The following SGCG variants were observed in gnomAD, a reference collection of about 807,000 sequenced individuals.
The protein encoded by SGCG is gamma-sarcoglycan.
SGCG carries 26 observed loss-of-function variants against 29.3 expected under a neutral mutation model. The observed-to-expected ratio is 0.89, with a 90% CI of 0.65 to 1.23. The LOEUF is 1.23. SGCG is among the 50% of genes most tolerant of loss of function. SGCG has a pLI of 0.00. For missense variants in SGCG, 353 were observed against 356.0 expected, an observed-to-expected ratio of 0.99 and a Z score of 0.07; for synonymous variants, 145 against 129.7, an observed-to-expected ratio of 1.12 and a Z score of -0.80.
intron 6 of SGCG, among the ~76,000 whole-genome samples, chr13:23,298,122 G>A (rs12868752): frequency 0.37 from 56,017 of 151,314 alleles, 10,933 homozygotes; most frequent in East Asian, 0.79. Flanking sequence ...TTGGGAGGCC[G>A]AGGCAGGTGG....
At chr13:23,320,220 G>A (rs952780307) in intron 6 of SGCG, among the ~76,000 whole-genome samples, 3 of 152,188 alleles carry the variant, frequency 2.0e-5, no homozygotes, top group East Asian at 3.9e-4. Context: ...CCGGGAGTTC[G>A]ATTTTGCAGT....
rs759278850 is a variant in SGCG at position 23,279,396 on chromosome 13, G to A, written c.423G>A (p.Gln141=). 1.2e-6 allele frequency: 2 copies of A among 1,613,262 alleles called. No homozygotes were observed. The highest frequency in any genetic ancestry group is 1.7e-5 in the Admixed American group (1 of 60,000). ...KMVEVQNQQF[Q]INSNDGKPLF... ...TAGAAGTCCAGAATCAACAGTTTCAGATCAACTCCAACGACGGCAAGCCAC... is the reference window on the plus strand; with the variant it reads ...TAGAAGTCCAGAATCAACAGTTTCAAATCAACTCCAACGACGGCAAGCCAC... The change falls in exon 5 of 8, where the codon CAG becomes CAA. Residue 141 remains glutamine, a synonymous_variant. Coordinates refer to ENST00000218867, the MANE Select transcript of SGCG (RefSeq NM_000231.3).
intron 7 of SGCG, 93 bp downstream of exon 7, chr13:23,320,853 A>C: frequency 7.5e-7 from 1 of 1,326,832 alleles, no homozygotes; most frequent in South Asian, 1.2e-5. Context: ...AATTTCTAGT[A>C]GTTTGTAGGA....
chr13:23,168,267 A>G, the SGCG span, among the ~76,000 whole-genome samples: 28 of 152,146 alleles, frequency 1.8e-4, no homozygotes, highest in Non-Finnish European at 2.9e-4. Context: ...ATATACTCCT[A>G]GTGATCCTAT....
chr13:23,233,645 A>C (rs1879191522), intron 2 of SGCG, among the ~76,000 whole-genome samples: 1 of 152,172 alleles, frequency 6.6e-6, no homozygotes, highest in South Asian at 2.1e-4. Flanking sequence ...AATAGCACAG[A>C]TCTGTACTCT....
At chr13:23,208,291 G>A (rs921912760) in intron 2 of SGCG, among the ~76,000 whole-genome samples, 7 of 152,072 alleles carry the variant, frequency 4.6e-5, no homozygotes. Context: ...CAACAGTGTA[G>A]CAATGGCATC....
At chr13:23,177,377 A>G (rs1876590547), upstream of SGCG, among the ~76,000 whole-genome samples, 2 of 152,184 alleles carry the variant, frequency 1.3e-5, no homozygotes, top group South Asian at 4.1e-4. Flanking sequence ...TTCCCACCTT[A>G]AAGAAATTAT....
chr13:23,240,171 G>A lies in SGCG; in HGVS notation c.297+5459G>A, dbSNP rs1441574314. On this transcript the variant is annotated intron_variant, in intron 3 of 7. Coordinates refer to ENST00000218867, the MANE Select transcript of SGCG (RefSeq NM_000231.3). ...ACACTAATTAAAAGAAAATTGGAGT[G>A]ACTATATTAAAACAGACAAAGTAGA... is the stretch of plus-strand genomic sequence containing the variant. Among the ~76,000 whole-genome samples the A allele has an allele frequency of 3.9e-5, 6 of 152,120 alleles. No homozygotes were observed. In the East Asian group the frequency reaches 9.6e-4, roughly 24 times the overall value.
intron 2 of SGCG, among the ~76,000 whole-genome samples, chr13:23,219,068 G>A (rs775671520): frequency 2.4e-4 from 35 of 147,308 alleles, no homozygotes; most frequent in Non-Finnish European, 4.0e-4. Flanking sequence ...TTTTTCTTGA[G>A]ATGGAGTCTT....
At chr13:23,252,704 C>T (rs746995955) in intron 4 of SGCG, among the ~76,000 whole-genome samples, 11 of 145,508 alleles carry the variant, frequency 7.6e-5, no homozygotes, top group Non-Finnish European at 1.5e-4. Flanking sequence ...AAAAACAAAA[C>T]AAAACAAACA....
At chr13:23,161,620 C>T in the SGCG span, among the ~76,000 whole-genome samples, 11,377 of 152,216 alleles carry the variant, frequency 0.075, 583 homozygotes, top group South Asian at 0.12. Flanking sequence ...TCCAAAAGTA[C>T]ACATAAGCTA....
chr13:23,234,816 T>G, intron 3 of SGCG, 104 bp downstream of exon 3: 1 of 784,696 alleles, frequency 1.3e-6, no homozygotes, highest in Non-Finnish European at 2.3e-6. Context: ...AGCGCATACA[T>G]GTGCACATAT....
the SGCG span, among the ~76,000 whole-genome samples, chr13:23,175,660 T>C: frequency 6.6e-5 from 10 of 152,190 alleles, no homozygotes; most frequent in African/African-American, 2.4e-4. Flanking sequence ...ATCTCAATGA[T>C]TTCTTATTTA....
chr13:23,170,309 C>G, the SGCG span, among the ~76,000 whole-genome samples: 2 of 152,178 alleles, frequency 1.3e-5, no homozygotes, highest in African/African-American at 4.8e-5. Flanking sequence ...TGGAATCCTC[C>G]TTTCCTATGA....
chr13:23,174,109 T>G, the SGCG span, among the ~76,000 whole-genome samples: 1 of 152,184 alleles, frequency 6.6e-6, no homozygotes, highest in Non-Finnish European at 1.5e-5. Context: ...CCCTCCTTTC[T>G]GAATAATTAT....
In SGCG at chr13:23,263,387, A is replaced by G. The variant is rs149372018; in HGVS notation, c.385+12670A>G. ...AAACTAGAAAATCTAGAGGAAGTGG[A>G]TAAATTCCTGGAAACAAACAACTCC... is the stretch of plus-strand genomic sequence containing the variant. On this transcript the variant is annotated intron_variant, in intron 4 of 7. Transcript: ENST00000218867. Among the ~76,000 whole-genome samples, 173 of 152,238 alleles carry G rather than the reference A, an allele frequency of 1.1e-3. 1 individual carries two copies. The highest frequency in any genetic ancestry group is 4.0e-3 in the African/African-American group (165 of 41,572).
chr13:23,230,674 G>T (rs537902561), intron 2 of SGCG, among the ~76,000 whole-genome samples: 1 of 152,252 alleles, frequency 6.6e-6, no homozygotes, highest in African/African-American at 2.4e-5. Context: ...TCATCTCAAG[G>T]AGCTTTTGGG....
chr13:23,168,792 G>C, the SGCG span, among the ~76,000 whole-genome samples: 8 of 151,736 alleles, frequency 5.3e-5, no homozygotes, highest in African/African-American at 1.9e-4. Context: ...TGATTGATAG[G>C]CATCTGCTAT....
chr13:23,228,964 G>A (rs1191276824), intron 2 of SGCG, among the ~76,000 whole-genome samples: 6 of 152,148 alleles, frequency 3.9e-5, no homozygotes, highest in Admixed American at 3.9e-4. Flanking sequence ...TCCACCTCCC[G>A]AGTTCAAGCG....
Sources: allele counts gnomAD v4.1 joint callset (sites outside exome capture counted in the v4.1 genomes callset), GRCh38; gene constraint gnomAD v4.1.1; transcripts MANE v1.5; gene names NCBI Gene and HGNC (gene_info 2026-07-23, HGNC 2026-07-21).